The following RANBP17 variants were observed in gnomAD, a reference collection of about 807,000 sequenced individuals.
The protein encoded by RANBP17 is ran-binding protein 17.
In RANBP17, 158 loss-of-function variants were observed where a neutral mutation model predicts 141.2. The observed-to-expected ratio is 1.12, with a 90% CI of 0.98 to 1.28. RANBP17 has a LOEUF of 1.28. RANBP17 is among the 50% of genes most tolerant of loss of function. The pLI is 0.00. For synonymous variants in RANBP17, 430 were observed against 450.0 expected (o/e 0.96, Z 0.56); for missense variants, 1,438 against 1,290.7 (o/e 1.11, Z -1.75).
intron 4 of RANBP17, among the ~76,000 whole-genome samples, chr5:170,894,484 T>TATATATATA (rs1581075945): frequency 6.2e-5 from 1 of 16,024 alleles, no homozygotes; most frequent in East Asian, 3.1e-3. Flanking sequence ...AGTACGTGTT[T>TATATATATA]TTTATATATA....
At chr5:171,197,805 G>C (rs574888876) in intron 18 of RANBP17, among the ~76,000 whole-genome samples, 1 of 152,190 alleles carries the variant, frequency 6.6e-6, no homozygotes, top group African/African-American at 2.4e-5. Flanking sequence ...TTGGGAGGCC[G>C]AGGCGGGCGG....
intron 14 of RANBP17, among the ~76,000 whole-genome samples, chr5:171,167,825 T>C (rs551345047): frequency 2.4e-4 from 36 of 152,284 alleles, no homozygotes; most frequent in African/African-American, 8.2e-4. Context: ...TAAAATAAAA[T>C]TAAAGACAAT....
intron 14 of RANBP17, among the ~76,000 whole-genome samples, chr5:171,000,219 C>T (rs945666249): frequency 6.6e-6 from 1 of 152,114 alleles, no homozygotes; most frequent in Admixed American, 6.5e-5. Context: ...ACAAATATCT[C>T]TTCGAGACCC....
At chr5:171,297,713 G>A (rs1446024461) in intron 27 of RANBP17, among the ~76,000 whole-genome samples, 1 of 152,062 alleles carries the variant, frequency 6.6e-6, no homozygotes, top group African/African-American at 2.4e-5. Context: ...GCTGCTCTGT[G>A]AAATGATGGC....
intron 14 of RANBP17, among the ~76,000 whole-genome samples, chr5:170,985,477 C>T (rs756394706): frequency 1.3e-5 from 2 of 152,150 alleles, no homozygotes; most frequent in African/African-American, 2.4e-5. Context: ...TTTCTCTCTT[C>T]CATTTAAATT....
Position 170,989,544 on chromosome 5 carries a change from C to T in RANBP17, c.1710+21167C>T, listed in dbSNP as rs1043950380. On this transcript the variant is annotated intron_variant, in intron 14 of 27. Transcript: ENST00000523189. ...TTAAAAGTTCCCTATATTAATTAATCACTTCTATACTAATATGTTATACTG... is the reference window on the plus strand; with the variant it reads ...TTAAAAGTTCCCTATATTAATTAATTACTTCTATACTAATATGTTATACTG... Among the ~76,000 whole-genome samples, 10 of 151,730 alleles carry T rather than the reference C, an allele frequency of 6.6e-5. No individual in the cohort carries two copies. The East Asian group carries it at 1.5e-3, about 23-fold the overall frequency.
intron 14 of RANBP17, among the ~76,000 whole-genome samples, chr5:171,033,968 T>A (rs1180250878): frequency 6.6e-6 from 1 of 152,088 alleles, no homozygotes; most frequent in African/African-American, 2.4e-5. Context: ...AAATAAGAGC[T>A]GGGCATGGTG....
At chr5:171,098,387 G>A (rs945594251) in intron 14 of RANBP17, among the ~76,000 whole-genome samples, 2 of 152,160 alleles carry the variant, frequency 1.3e-5, no homozygotes, top group East Asian at 1.9e-4. Flanking sequence ...CTAATGACCA[G>A]CAATGATGAG....
intron 14 of RANBP17, among the ~76,000 whole-genome samples, chr5:171,059,315 G>T (rs370156949): frequency 2.8e-4 from 43 of 152,154 alleles, no homozygotes; most frequent in East Asian, 1.5e-3. Flanking sequence ...TTTAAGTCTT[G>T]AATCCATCTT....
chr5:170,998,668 C>A (rs1271775508), intron 14 of RANBP17, among the ~76,000 whole-genome samples: 1 of 152,052 alleles, frequency 6.6e-6, no homozygotes, highest in Non-Finnish European at 1.5e-5. Context: ...TTTTACTGTG[C>A]TTTATTGTGT....
At chr5:171,061,570 C>T (rs1298591356) in intron 14 of RANBP17, among the ~76,000 whole-genome samples, 1 of 152,048 alleles carries the variant, frequency 6.6e-6, no homozygotes, top group African/African-American at 2.4e-5. Flanking sequence ...CTGAGGAGAG[C>T]TTTACTTCCA....
chr5:171,046,118 C>G (rs1294771518), intron 14 of RANBP17, among the ~76,000 whole-genome samples: 5 of 151,974 alleles, frequency 3.3e-5, no homozygotes, highest in African/African-American at 1.2e-4. Flanking sequence ...AATTATCTGC[C>G]CCATATGGAA....
intron 14 of RANBP17, among the ~76,000 whole-genome samples, chr5:171,107,332 T>C (rs1025461771): frequency 6.6e-6 from 1 of 152,212 alleles, no homozygotes; most frequent in African/African-American, 2.4e-5. Flanking sequence ...CTATACTATA[T>C]TGAAGATCTT....
intron 3 of RANBP17, among the ~76,000 whole-genome samples, chr5:170,891,745 G>A (rs1769631032): frequency 6.6e-6 from 1 of 152,104 alleles, no homozygotes; most frequent in Admixed American, 6.6e-5. Flanking sequence ...CATCAAGATG[G>A]AAATCTGCAC....
At chr5:170,897,038 A>G (rs773651246) in intron 5 of RANBP17, 69 of 936,926 alleles carry the variant, frequency 7.4e-5, no homozygotes, top group Admixed American at 1.1e-4. Flanking sequence ...AAAGGAATCT[A>G]TTATGAGGCA....
In RANBP17 at chr5:171,110,075, A is replaced by G. The variant is rs370061218; in HGVS notation, c.1711-60055A>G. ...GTATTATGTCTTTTTTCTTATTTATATATTTTATCATATAAAATTTTTTTT... is the reference window on the plus strand; with the variant it reads ...GTATTATGTCTTTTTTCTTATTTATGTATTTTATCATATAAAATTTTTTTT... On this transcript the variant is annotated intron_variant, in intron 14 of 27. Coordinates refer to ENST00000523189, the MANE Select transcript of RANBP17 (RefSeq NM_022897.5). 1.4e-3 allele frequency among the ~76,000 whole-genome samples: 215 copies of G among 151,966 alleles called. 2 individuals carry two copies. The highest frequency in any genetic ancestry group is 0.013 in the South Asian group (65 of 4,824).
intron 7 of RANBP17, 164 bp downstream of exon 7, chr5:170,911,298 G>A (rs1377270026): frequency 1.6e-6 from 1 of 625,172 alleles, no homozygotes; most frequent in Non-Finnish European, 2.8e-6. Context: ...AATGTTTTCT[G>A]TAATTCATAT....
Position 170,892,503 on chromosome 5 carries a change from G to T in RANBP17, c.373G>T (p.Asp125Tyr), listed in dbSNP as rs775006467. 1 of 1,613,950 alleles carries T rather than the reference G, an allele frequency of 6.2e-7. No homozygotes were observed. The highest frequency in any genetic ancestry group is 8.5e-7 in the Non-Finnish European group (1 of 1,179,940). Residue 125 changes from aspartate (D) to tyrosine (Y), a missense_variant, in exon 4 of 28, where the codon GAC becomes TAC. Asp to Tyr is a radical substitution (Grantham distance 160). Transcript: ENST00000523189. ...TKLGWFEVQK[D>Y]QFVFREIIAD... is the part of the protein sequence containing the mutation. ...GTTGGGGTGGTTTGAGGTTCAGAAA[G>T]ACCAATTTGTCTTCAGAGAAATTAT...
intron 14 of RANBP17, among the ~76,000 whole-genome samples, chr5:171,147,776 GC>G (rs1369275547): frequency 6.6e-6 from 1 of 152,134 alleles, no homozygotes; most frequent in Non-Finnish European, 1.5e-5. Context: ...GGGGGGGTCA[GC>G]CCCCCGCCCG....
Sources: gnomAD v4.1 joint callset for allele counts (sites outside exome capture counted in the v4.1 genomes callset) on GRCh38, gnomAD v4.1.1 for gene constraint, MANE v1.5 for transcripts, NCBI Gene and HGNC (gene_info 2026-07-23, HGNC 2026-07-21) for gene names.